Variants in ANKHD1 observed in about 807,000 individuals in gnomAD.
ANKHD1 encodes the protein ankyrin repeat and KH domain-containing protein 1.
Under a neutral mutation model 230.5 loss-of-function variants are expected in ANKHD1, and 31 were observed. The observed-to-expected ratio is 0.13, with a 90% CI of 0.10 to 0.18. ANKHD1 has a LOEUF of 0.18. Among genes scored for constraint, ANKHD1 ranks in the 10% least tolerant of loss-of-function variants. The probability of loss-of-function intolerance (pLI) is 1.00; values close to 1 mark genes in which losing one functional copy is unlikely to be tolerated. For synonymous variants in ANKHD1, 1,074 were observed against 1,117.6 expected (o/e 0.96, Z 0.78); for missense variants, 2,256 against 3,071.3 (o/e 0.73, Z 6.27).
At chr5:140,419,811 T>G (rs1771763895) in intron 1 of ANKHD1, among the ~76,000 whole-genome samples, 1 of 141,302 alleles carries the variant, frequency 7.1e-6, no homozygotes, top group African/African-American at 2.6e-5. Flanking sequence ...TCTTTCTTTC[T>G]TTCTTTCTTT....
intron 29 of ANKHD1, among the ~76,000 whole-genome samples, chr5:140,533,101 A>G (rs1753909373): frequency 6.6e-6 from 1 of 151,998 alleles, no homozygotes; most frequent in East Asian, 1.9e-4. Context: ...TGTCTCCAAA[A>G]AAAAAAAAAG....
intron 20 of ANKHD1, 102 bp downstream of exon 20, chr5:140,508,100 A>C: frequency 7.1e-7 from 1 of 1,400,136 alleles, no homozygotes; most frequent in Non-Finnish European, 9.5e-7. Context: ...ATCATAAATT[A>C]AAACTGATAC....
chr5:140,481,553 T>C (rs1751275000), intron 10 of ANKHD1, among the ~76,000 whole-genome samples: 1 of 152,060 alleles, frequency 6.6e-6, no homozygotes, highest in South Asian at 2.1e-4. Flanking sequence ...GAGTTGACAG[T>C]CTACTCATTT....
At chr5:140,518,160 C>T (rs1753133298) in intron 24 of ANKHD1, among the ~76,000 whole-genome samples, 1 of 152,110 alleles carries the variant, frequency 6.6e-6, no homozygotes. Flanking sequence ...CTACAAACAC[C>T]TCTACGCAAA....
rs1431075438 is a variant in ANKHD1, at chr5:140,458,691, T to G, written c.1309T>G (p.Ser437Ala). 1 of 1,613,164 alleles carries G rather than the reference T, an allele frequency of 6.2e-7. No homozygotes were observed. The highest frequency in any genetic ancestry group is 8.5e-7 in the Non-Finnish European group (1 of 1,179,618). ...SGAQVNMPAD[S>A]FESPLTLAAC... Reference sequence around the variant, plus strand: ...TGCTCAAGTGAACATGCCTGCAGATTCATTTGAATCTCCATTGACGCTAGC... The same window carrying G: ...TGCTCAAGTGAACATGCCTGCAGATGCATTTGAATCTCCATTGACGCTAGC... Residue 437 changes from serine (S) to alanine (A), a missense_variant, in exon 8 of 34, where the codon TCA (serine) becomes GCA (alanine). Ser to Ala is a moderately conservative substitution (Grantham distance 99). Transcript: ENST00000360839.
intron 1 of ANKHD1, among the ~76,000 whole-genome samples, chr5:140,402,510 C>T (rs916915727): frequency 1.3e-5 from 2 of 152,216 alleles, no homozygotes; most frequent in African/African-American, 2.4e-5. Flanking sequence ...CCTTTGGTCT[C>T]TGAGCTTCGC....
chr5:140,538,433 T>A (rs767636694), intron 32 of ANKHD1, among the ~76,000 whole-genome samples, 172 bp downstream of exon 32: 15 of 152,222 alleles, frequency 9.9e-5, no homozygotes, highest in Non-Finnish European at 1.9e-4. Context: ...GTCCTGAAGA[T>A]GTCCCCATCC....
At chr5:140,421,122 T>G (rs1443902091) in intron 1 of ANKHD1, among the ~76,000 whole-genome samples, 1 of 152,128 alleles carries the variant, frequency 6.6e-6, no homozygotes, top group Non-Finnish European at 1.5e-5. Context: ...TCACAAAGCC[T>G]GAGTATATGT....
chr5:140,459,314 A>G lies in ANKHD1; in HGVS notation c.1631A>G (p.Gln544Arg). The change falls in exon 9 of 34, where the codon CAG (glutamine) becomes CGG (arginine). Residue 544 changes from glutamine (Q) to arginine (R), a missense_variant. Gln to Arg is a conservative substitution (Grantham distance 43). Coordinates refer to ENST00000360839, the MANE Select transcript of ANKHD1 (RefSeq NM_017747.3). ...GCSTPLMEAS[Q>R]EGHLELVKYL... The stretch of plus-strand genomic sequence containing the variant: ...TCCACACCTCTGATGGAGGCATCTC[A>G]GGAGGGACACCTGGAATTGGTTAAA... 2 of 1,584,772 alleles carry G rather than the reference A, an allele frequency of 1.3e-6. No homozygotes were observed. Among genetic ancestry groups the G allele is most frequent in the Non-Finnish European group, 1.7e-6 (2 of 1,160,432 alleles).
chr5:140,404,236 A>G (rs1464367448), intron 1 of ANKHD1, among the ~76,000 whole-genome samples: 2 of 152,122 alleles, frequency 1.3e-5, no homozygotes, highest in Admixed American at 6.6e-5. Flanking sequence ...CTAGGAAATG[A>G]AGTGTGGGGG....
At chr5:140,520,496 A>T (rs1477732051) in intron 24 of ANKHD1, among the ~76,000 whole-genome samples, 4 of 152,078 alleles carry the variant, frequency 2.6e-5, no homozygotes, top group Non-Finnish European at 4.4e-5. Context: ...TTATTGCGGC[A>T]TTATTCACAA....
At chr5:140,528,094 A>G in intron 28 of ANKHD1, 72 bp downstream of exon 28, 1 of 1,567,908 alleles carries the variant, frequency 6.4e-7, no homozygotes, top group Non-Finnish European at 8.6e-7. Flanking sequence ...CAGGTATGGT[A>G]TAATTAAGAA....
chr5:140,454,229 C>G (rs1774981922), intron 7 of ANKHD1, among the ~76,000 whole-genome samples: 1 of 152,140 alleles, frequency 6.6e-6, no homozygotes, highest in Non-Finnish European at 1.5e-5. Context: ...TAGAGACCTA[C>G]AAAGAGACTT....
At chr5:140,427,416 G>T (rs1438190554) in intron 1 of ANKHD1, among the ~76,000 whole-genome samples, 7 of 121,326 alleles carry the variant, frequency 5.8e-5, no homozygotes, top group Non-Finnish European at 1.0e-4. Flanking sequence ...CTGGCCGGGC[G>T]GGGGGCTGAC....
At chr5:140,430,422 TAAG>T (rs1309262235) in intron 1 of ANKHD1, among the ~76,000 whole-genome samples, 1 of 152,196 alleles carries the variant, frequency 6.6e-6, no homozygotes, top group Non-Finnish European at 1.5e-5. Flanking sequence ...CATCAGGCAA[TAAG>T]AACATTGCTG....
At chr5:140,435,035 T>C (rs944336382) in intron 1 of ANKHD1, among the ~76,000 whole-genome samples, 1 of 152,236 alleles carries the variant, frequency 6.6e-6, no homozygotes, top group Non-Finnish European at 1.5e-5. Flanking sequence ...GATTTTTGCT[T>C]ATACCATTCA....
At chr5:140,491,139 C>CACACATATATATATATAT (rs1460352213) in intron 14 of ANKHD1, among the ~76,000 whole-genome samples, 1 of 56,366 alleles carries the variant, frequency 1.8e-5, no homozygotes, top group African/African-American at 6.2e-5. Context: ...TATATATACA[C>CACACATATATATATATAT]ATATATATAT....
chr5:140,453,473 G>T (rs1774912001), intron 7 of ANKHD1, among the ~76,000 whole-genome samples: 1 of 152,108 alleles, frequency 6.6e-6, no homozygotes, highest in South Asian at 2.1e-4. Flanking sequence ...GAGAGGTCGG[G>T]TTACCCACAA....
At position 140,458,781 on chromosome 5, in the gene ANKHD1, G is replaced by T. The variant is rs1229917939; in HGVS notation, c.1399G>T (p.Val467Phe). ...TGAAAGGGGAGCAAATCTTGAAGAA[G>T]TTAATGATGAAGGATACACTCCCTT... The part of the protein sequence containing the change: ...LIERGANLEE[V>F]NDEGYTPLME... The change falls in exon 8 of 34, where the codon GTT becomes TTT. Residue 467 changes from valine to phenylalanine, a missense_variant. By Grantham distance (50) the Val-to-Phe change is conservative. Coordinates refer to ENST00000360839, the MANE Select transcript of ANKHD1 (RefSeq NM_017747.3). The T allele has an allele frequency of 6.2e-7, 1 of 1,613,056 alleles. No individual in the cohort carries two copies.
Sources: allele counts gnomAD v4.1 joint callset (sites outside exome capture counted in the v4.1 genomes callset), GRCh38; gene constraint gnomAD v4.1.1; transcripts MANE v1.5; gene names NCBI Gene and HGNC (gene_info 2026-07-23, HGNC 2026-07-21).